The following PRKAR1B variants were observed in gnomAD, a reference collection of about 807,000 sequenced individuals.
PRKAR1B encodes the protein protein kinase cAMP-dependent type I regulatory subunit beta.
A neutral mutation model predicts 46.5 loss-of-function variants in PRKAR1B; 22 were observed. The ratio of observed to expected loss-of-function variants is 0.47; its 90% CI spans 0.34 to 0.68. PRKAR1B has a LOEUF of 0.68. Ranked by LOEUF, PRKAR1B falls within the 30% of genes least tolerant of loss-of-function variation. The pLI, the probability that PRKAR1B is intolerant of heterozygous loss-of-function variation, is 0.01. For missense variants in PRKAR1B, 445 were observed against 535.6 expected, an observed-to-expected ratio of 0.83 and a Z score of 1.67; for synonymous variants, 259 against 217.7, an observed-to-expected ratio of 1.19 and a Z score of -1.67.
chr7:665,453 T>G (rs565859483), intron 4 of PRKAR1B, among the ~76,000 whole-genome samples: 1 of 152,174 alleles, frequency 6.6e-6, no homozygotes, highest in East Asian at 1.9e-4. Flanking sequence ...GACTGGCCAT[T>G]GCATACATCA....
chr7:712,139 C>G (rs979569165), intron 1 of PRKAR1B, among the ~76,000 whole-genome samples: 2 of 151,424 alleles, frequency 1.3e-5, no homozygotes, highest in African/African-American at 4.8e-5. Context: ...CGGCACCGCA[C>G]CGCGGGGCGC....
At chr7:650,512 C>T (rs989380708) in intron 4 of PRKAR1B, among the ~76,000 whole-genome samples, 4 of 152,226 alleles carry the variant, frequency 2.6e-5, no homozygotes, top group African/African-American at 7.2e-5. Context: ...GGAGTCATTC[C>T]TGGCTCTGGT....
chr7:551,322 G>T, intron 10 of PRKAR1B, 67 bp downstream of exon 10: 1 of 1,463,470 alleles, frequency 6.8e-7, no homozygotes, highest in Non-Finnish European at 9.3e-7. Flanking sequence ...TCACCTCCAG[G>T]CCCCTCCCGA....
In PRKAR1B at chr7:583,621, C is replaced by CACTCA. The variant is rs755696387; in HGVS notation, c.769+882_769+886dup. Among the ~76,000 whole-genome samples the CACTCA allele has an allele frequency of 1.6e-3, 190 of 115,848 alleles. 1 individual carries two copies. Among genetic ancestry groups the CACTCA allele is most frequent in the Non-Finnish European group, 2.0e-3 (110 of 54,736 alleles). The allele number at this position is 115,848 out of a possible 152,430, so 76.0% of individuals were successfully genotyped here. On this transcript the variant is annotated intron_variant, in intron 8 of 10. Coordinates refer to ENST00000537384, the MANE Select transcript of PRKAR1B (RefSeq NM_001164760.2). ...GCACACACACCCCCTCACACGTGCA[C>CACTCA]ACTCAAACCCCCACACTCACATGCA... is the stretch of plus-strand genomic sequence containing the variant.
intron 2 of PRKAR1B, among the ~76,000 whole-genome samples, chr7:698,409 C>T (rs1779884394): frequency 6.6e-6 from 1 of 152,100 alleles, no homozygotes; most frequent in Admixed American, 6.5e-5. Context: ...TATGTGTGCA[C>T]ATCTAGGAAA....
rs538221913 is a variant in PRKAR1B at position 666,935 on chromosome 7, G to A, written c.440+10294C>T. ...GCCACAGAAAGATGGTGATGACAAT[G>A]ACCACAACAGTGATGATGATGGCGG... On this transcript the variant is annotated intron_variant, in intron 4 of 10. Coordinates refer to ENST00000537384, the MANE Select transcript of PRKAR1B (RefSeq NM_001164760.2). The surrounding 1 kb of genome is among the most constrained non-coding windows in gnomAD (Gnocchi z 4.9). Among the ~76,000 whole-genome samples, 20 of 152,364 alleles carry A rather than the reference G, an allele frequency of 1.3e-4. No homozygotes were observed. Among genetic ancestry groups the A allele is most frequent in the African/African-American group, 4.8e-4 (20 of 41,590 alleles).
chr7:683,648 G>C (rs1778826617), intron 2 of PRKAR1B, among the ~76,000 whole-genome samples: 2 of 152,244 alleles, frequency 1.3e-5, no homozygotes, highest in Non-Finnish European at 1.5e-5. Context: ...GGTCCCCACA[G>C]ACCAGAGTGG....
intron 4 of PRKAR1B, among the ~76,000 whole-genome samples, chr7:658,967 ATAT>A (rs1462099420): frequency 1.3e-5 from 2 of 152,296 alleles, no homozygotes; most frequent in East Asian, 1.9e-4. Context: ...TTTTAAAAAA[ATAT>A]TATCTCGCAG....
At chr7:585,773 A>G (rs962660319) in intron 7 of PRKAR1B, among the ~76,000 whole-genome samples, 1 of 151,996 alleles carries the variant, frequency 6.6e-6, no homozygotes, top group African/African-American at 2.4e-5. Flanking sequence ...CTGAGTGACC[A>G]CCCTAGATAG....
rs1778687704 is a variant in PRKAR1B at position 560,032 on chromosome 7, G to A, written c.892-8562C>T. Among the ~76,000 whole-genome samples, 1 of 152,182 alleles carries A rather than the reference G, an allele frequency of 6.6e-6. No homozygotes were observed. The highest frequency in any genetic ancestry group is 1.5e-5 in the Non-Finnish European group (1 of 68,028). ...AGCCTGGCTAGCAAAGCAGGACCCTGTCTCTAATAATGACAAGGTTTGGCG... is the reference window on the plus strand; with the variant it reads ...AGCCTGGCTAGCAAAGCAGGACCCTATCTCTAATAATGACAAGGTTTGGCG... On this transcript the variant is annotated intron_variant, in intron 9 of 10. Transcript: ENST00000537384. This position sits in a 1 kb window ranked among gnomAD's most constrained non-coding sequence, Gnocchi z 4.2.
chr7:682,116 C>A (rs1669704283), intron 2 of PRKAR1B, among the ~76,000 whole-genome samples: 2 of 152,118 alleles, frequency 1.3e-5, no homozygotes, highest in Non-Finnish European at 2.9e-5. Context: ...CAGGGCCAGG[C>A]AGCCTGGAGA....
intron 4 of PRKAR1B, among the ~76,000 whole-genome samples, chr7:634,643 G>GTGT (rs1783940838): frequency 7.0e-6 from 1 of 142,754 alleles, no homozygotes. Flanking sequence ...GCAACTTACT[G>GTGT]TTTTTTTTTT....
At chr7:567,433 T>TGGC (rs1250574216) in intron 9 of PRKAR1B, among the ~76,000 whole-genome samples, 6 of 110,328 alleles carry the variant, frequency 5.4e-5, no homozygotes, top group Non-Finnish European at 1.2e-4. Flanking sequence ...ATCATCACCA[T>TGGC]CATCATCACC....
chr7:561,037 C>T (rs1344531179), intron 9 of PRKAR1B, among the ~76,000 whole-genome samples: 1 of 151,128 alleles, frequency 6.6e-6, no homozygotes, highest in African/African-American at 2.5e-5. Context: ...AACACACACA[C>T]ATACACACAG....
At chr7:703,655 C>CAA (rs201241648) in intron 2 of PRKAR1B, among the ~76,000 whole-genome samples, 1,806 of 119,578 alleles carry the variant, frequency 0.015, 20 homozygotes, top group East Asian at 0.11. Flanking sequence ...GACTCTGTCT[C>CAA]AAAAAAAAAA....
intron 2 of PRKAR1B, among the ~76,000 whole-genome samples, chr7:692,191 G>A (rs537791435): frequency 2.4e-4 from 36 of 152,346 alleles, no homozygotes; most frequent in African/African-American, 8.2e-4. Context: ...CCTGAGGTCA[G>A]GAGTTCGAGA....
At chr7:697,724 T>C (rs909835413) in intron 2 of PRKAR1B, among the ~76,000 whole-genome samples, 1 of 151,740 alleles carries the variant, frequency 6.6e-6, no homozygotes, top group Non-Finnish European at 1.5e-5. Context: ...GCGGGGAAAC[T>C]GAGGCCCAGA....
At chr7:631,553 G>A (rs570134636) in intron 4 of PRKAR1B, among the ~76,000 whole-genome samples, 151 of 152,300 alleles carry the variant, frequency 9.9e-4, no homozygotes, top group African/African-American at 3.2e-3. Flanking sequence ...GAGAAAACAC[G>A]GCCCCACAAA....
At chr7:676,012 T>C (rs1229173316) in intron 4 of PRKAR1B, among the ~76,000 whole-genome samples, 1 of 147,954 alleles carries the variant, frequency 6.8e-6, no homozygotes, top group Non-Finnish European at 1.5e-5. Context: ...CTAATTCACA[T>C]AGAAATTGAC....
Sources: allele counts gnomAD v4.1 joint callset (sites outside exome capture counted in the v4.1 genomes callset), GRCh38; gene constraint gnomAD v4.1.1; non-coding constraint Gnocchi (gnomAD v3.1); transcripts MANE v1.5; gene names NCBI Gene and HGNC (gene_info 2026-07-23, HGNC 2026-07-21).